EDIL3: variants seen among roughly 807,000 people sequenced by gnomAD.
The protein encoded by EDIL3 is EGF like and discoidin domains 3.
Under a neutral mutation model 67.4 loss-of-function variants are expected in EDIL3, and 37 were observed. The ratio of observed to expected loss-of-function variants is 0.55; its 90% confidence interval spans 0.42 to 0.72. The LOEUF is 0.72. Ranked by LOEUF, EDIL3 falls within the 30% of genes least tolerant of loss-of-function variation. The pLI, the probability that EDIL3 is intolerant of heterozygous loss-of-function variation, is 0.00. For synonymous variants in EDIL3, 195 were observed against 196.3 expected (o/e 0.99, Z 0.05); for missense variants, 527 against 586.3 (o/e 0.90, Z 1.04).
intron 2 of EDIL3, among the ~76,000 whole-genome samples, chr5:84,245,440 C>T (rs987842574): frequency 2.0e-5 from 3 of 152,050 alleles, no homozygotes; most frequent in African/African-American, 7.2e-5. Context: ...ATTTCAACAC[C>T]TTGTCATAAC....
chr5:84,061,678 G>T (rs1400314494), intron 8 of EDIL3, among the ~76,000 whole-genome samples: 1 of 152,042 alleles, frequency 6.6e-6, no homozygotes, highest in Non-Finnish European at 1.5e-5. Flanking sequence ...ACTACCTCAA[G>T]GAAGTATTCT....
At chr5:84,363,241 G>T (rs1747651896) in intron 1 of EDIL3, among the ~76,000 whole-genome samples, 1 of 151,990 alleles carries the variant, frequency 6.6e-6, no homozygotes, top group Non-Finnish European at 1.5e-5. Context: ...GGTCGATCAG[G>T]AGGTCAAGAG....
At chr5:84,137,967 C>T (rs990844979) in intron 4 of EDIL3, among the ~76,000 whole-genome samples, 1 of 152,188 alleles carries the variant, frequency 6.6e-6, no homozygotes, top group African/African-American at 2.4e-5. Flanking sequence ...CTTTGATATA[C>T]TACTATTACA....
At chr5:84,054,737 G>A (rs1436234649) in intron 9 of EDIL3, among the ~76,000 whole-genome samples, 4 of 151,806 alleles carry the variant, frequency 2.6e-5, no homozygotes, top group African/African-American at 9.7e-5. Flanking sequence ...AAATACCTAG[G>A]AATCCAACTT....
chr5:84,270,014 A>G (rs1386482625), intron 1 of EDIL3, among the ~76,000 whole-genome samples: 2 of 152,182 alleles, frequency 1.3e-5, no homozygotes, highest in Non-Finnish European at 2.9e-5. Context: ...CTAAAGTTGG[A>G]GTAAGCGAGA....
chr5:84,158,652 A>G (rs1175520039), intron 4 of EDIL3, among the ~76,000 whole-genome samples: 1 of 152,044 alleles, frequency 6.6e-6, no homozygotes, highest in Non-Finnish European at 1.5e-5. Flanking sequence ...TTATCCCTCA[A>G]TTACATGGTA....
intron 9 of EDIL3, among the ~76,000 whole-genome samples, chr5:83,995,159 C>CACACAT (rs1279706164): frequency 4.0e-5 from 6 of 149,594 alleles, no homozygotes; most frequent in African/African-American, 7.3e-5. Flanking sequence ...CACACACATA[C>CACACAT]ACACACACAC....
chr5:84,127,469 T>C (rs1481308356), intron 5 of EDIL3, among the ~76,000 whole-genome samples: 3 of 152,108 alleles, frequency 2.0e-5, no homozygotes, highest in Non-Finnish European at 4.4e-5. Flanking sequence ...ATGCTCAAAG[T>C]AGAGTGCACC....
At chr5:83,978,897 T>C (rs1329129352) in intron 9 of EDIL3, among the ~76,000 whole-genome samples, 4 of 152,090 alleles carry the variant, frequency 2.6e-5, no homozygotes, top group African/African-American at 7.2e-5. Context: ...AGCTAGCATT[T>C]GTGACATGAA....
intron 1 of EDIL3, among the ~76,000 whole-genome samples, chr5:84,329,349 AGATT>A (rs1193158135): frequency 6.6e-6 from 1 of 152,120 alleles, no homozygotes; most frequent in Non-Finnish European, 1.5e-5. Flanking sequence ...TGTAATACTG[AGATT>A]TTTTTCAAGA....
Position 84,255,511 on chromosome 5 carries a change from G to T in EDIL3, c.68-1299C>A, listed in dbSNP as rs78016273. 1.6e-4 allele frequency among the ~76,000 whole-genome samples: 25 copies of T among 152,158 alleles called. No individual in the cohort carries two copies. The East Asian group carries it at 4.6e-3, about 28-fold the overall frequency. On this transcript the variant is annotated intron_variant, in intron 1 of 10. Coordinates refer to ENST00000296591, the MANE Select transcript of EDIL3 (RefSeq NM_005711.5). ...CACAAAAACCCATACAGTTTTAAAG[G>T]GAGCTTTGTAGGTGAAACTGCCACC... is the stretch of plus-strand genomic sequence containing the variant.
chr5:84,110,203 G>A (rs1157101551), intron 5 of EDIL3, among the ~76,000 whole-genome samples: 1 of 152,088 alleles, frequency 6.6e-6, no homozygotes, highest in Admixed American at 6.6e-5. Context: ...GCAAATCCAA[G>A]CCTTAGATTT....
intron 9 of EDIL3, among the ~76,000 whole-genome samples, chr5:83,980,524 C>G (rs1437620940): frequency 6.6e-6 from 1 of 151,476 alleles, no homozygotes; most frequent in Non-Finnish European, 1.5e-5. Context: ...AACTCTGTCT[C>G]TAAAAATACA....
At chr5:84,311,954 T>C (rs1270931105) in intron 1 of EDIL3, among the ~76,000 whole-genome samples, 2 of 151,982 alleles carry the variant, frequency 1.3e-5, no homozygotes, top group Non-Finnish European at 2.9e-5. Flanking sequence ...CTCCCGTGTC[T>C]ACCTCTTTCT....
chr5:84,063,001 C>T (rs1347201679), intron 8 of EDIL3, among the ~76,000 whole-genome samples: 6 of 152,120 alleles, frequency 3.9e-5, no homozygotes, highest in African/African-American at 1.4e-4. Context: ...ATATTACTCT[C>T]TGCATGCAAG....
intron 1 of EDIL3, among the ~76,000 whole-genome samples, chr5:84,310,607 G>C (rs1307026974): frequency 6.6e-6 from 1 of 152,074 alleles, no homozygotes; most frequent in Non-Finnish European, 1.5e-5. Context: ...TAAATCTTCT[G>C]AGATCACAAT....
chr5:84,349,167 A>C lies in EDIL3; in HGVS notation c.67+35141T>G, dbSNP rs112390890. Reference sequence around the variant, plus strand: ...CATGTCTTGCTACAATTATTTATAAAGAATAACAGCTTGCTTTCCCAAGCA... The same window carrying C: ...CATGTCTTGCTACAATTATTTATAACGAATAACAGCTTGCTTTCCCAAGCA... On this transcript the variant is annotated intron_variant, in intron 1 of 10. Coordinates refer to ENST00000296591, the MANE Select transcript of EDIL3 (RefSeq NM_005711.5). Among the ~76,000 whole-genome samples the C allele has an allele frequency of 2.7e-3, 407 of 152,346 alleles. 1 individual carries two copies. The highest frequency in any genetic ancestry group is 9.5e-3 in the African/African-American group (395 of 41,590).
At chr5:84,104,682 A>T (rs1747426856) in intron 6 of EDIL3, among the ~76,000 whole-genome samples, 1 of 152,052 alleles carries the variant, frequency 6.6e-6, no homozygotes, top group African/African-American at 2.4e-5. Flanking sequence ...ATTGTTCTTA[A>T]GAGAATAAAT....
rs918462544 is a variant in EDIL3 at position 84,215,679 on chromosome 5, G to A, written c.226+14176C>T. Among the ~76,000 whole-genome samples the A allele has an allele frequency of 3.9e-5, 6 of 152,212 alleles. 1 individual carries two copies. Among genetic ancestry groups the A allele is most frequent in the Admixed American group, 3.9e-4 (6 of 15,276 alleles). The stretch of plus-strand genomic sequence containing the variant: ...CCTCTCTGAGAATGCACCTTCATGT[G>A]AAGACATGAAGGATGTGACTGAGTA... On this transcript the variant is annotated intron_variant, in intron 3 of 10. Coordinates refer to ENST00000296591, the MANE Select transcript of EDIL3 (RefSeq NM_005711.5).
Sources: allele counts gnomAD v4.1 joint callset (sites outside exome capture counted in the v4.1 genomes callset), GRCh38; gene constraint gnomAD v4.1.1; transcripts MANE v1.5; gene names NCBI Gene and HGNC (gene_info 2026-07-23, HGNC 2026-07-21).